The following HAUS6 variants were observed in gnomAD, a reference collection of about 807,000 sequenced individuals.
HAUS6 encodes the protein HAUS augmin-like complex subunit 6.
A neutral mutation model predicts 106.8 loss-of-function variants in HAUS6; 80 were observed. The observed-to-expected ratio is 0.75, with a 90% CI of 0.63 to 0.90. The LOEUF is 0.90. Ranked by LOEUF, HAUS6 falls within the 40% of genes least tolerant of loss-of-function variation. The pLI, the probability that HAUS6 is intolerant of heterozygous loss-of-function variation, is 0.00. For missense variants in HAUS6, 1,155 were observed against 1,118.1 expected (o/e 1.03, Z -0.47); for synonymous variants, 356 against 379.1 (o/e 0.94, Z 0.71).
rs145618983 is a variant in HAUS6, at chr9:19,084,459, GA to G, written c.700-1417del. Reference sequence around the variant, plus strand: ...GGTTACATGGACTTGTTCACTTTGTGAAAATTTGTCAAGCTATATACTTATG... The same window carrying G: ...GGTTACATGGACTTGTTCACTTTGTGAAATTTGTCAAGCTATATACTTATG... On this transcript the variant is annotated intron_variant, in intron 7 of 16. Coordinates refer to ENST00000380502, the MANE Select transcript of HAUS6 (RefSeq NM_017645.5). Among the ~76,000 whole-genome samples the G allele has an allele frequency of 4.0e-3, 602 of 152,170 alleles. 7 individuals are homozygous for G. The highest frequency in any genetic ancestry group is 0.014 in the African/African-American group (574 of 41,528).
chr9:19,084,191 AT>A (rs1329599858), intron 7 of HAUS6, among the ~76,000 whole-genome samples: 1 of 152,232 alleles, frequency 6.6e-6, no homozygotes, highest in Non-Finnish European at 1.5e-5. Context: ...AGCAATGAGA[AT>A]AAACATACTA....
In HAUS6 at chr9:19,087,373, G is replaced by A. The variant is rs563881841; in HGVS notation, c.585-217C>T. Among the ~76,000 whole-genome samples the A allele has an allele frequency of 2.8e-4, 43 of 152,156 alleles. No individual in the cohort carries two copies. The South Asian group carries it at 6.0e-3, about 21-fold the overall frequency. On this transcript the variant is annotated intron_variant, in intron 5 of 16. Transcript: ENST00000380502. Reference sequence around the variant, plus strand: ...ACTCATAGGTTAGTATATCCTCTCCGATTAAAATGATGGAGGTTAGTAAGA... The same window carrying A: ...ACTCATAGGTTAGTATATCCTCTCCAATTAAAATGATGGAGGTTAGTAAGA...
intron 1 of HAUS6, among the ~76,000 whole-genome samples, chr9:19,096,993 G>A (rs1159366253): frequency 1.3e-5 from 2 of 152,076 alleles, no homozygotes; most frequent in Non-Finnish European, 2.9e-5. Context: ...AAGACTGGCA[G>A]AACTGGCTTT....
At chr9:19,094,941 G>T (rs1817829950) in intron 2 of HAUS6, among the ~76,000 whole-genome samples, 1 of 151,882 alleles carries the variant, frequency 6.6e-6, no homozygotes, top group South Asian at 2.1e-4. Context: ...TTAAATGAGG[G>T]AATGAACAGC....
At chr9:19,092,309 A>G (rs928099828) in intron 4 of HAUS6, among the ~76,000 whole-genome samples, 3 of 151,548 alleles carry the variant, frequency 2.0e-5, no homozygotes, top group South Asian at 2.1e-4. Flanking sequence ...AAAAACAACA[A>G]CAAAAGGCCT....
At chr9:19,063,921 A>T in intron 12 of HAUS6, 1 of 364,134 alleles carries the variant, frequency 2.7e-6, no homozygotes, top group Admixed American at 3.9e-5. Context: ...CATTATTACA[A>T]TGTCACAGGT....
Position 19,056,399 on chromosome 9 carries a change from C to G in HAUS6, c.2812G>C (p.Asp938His), listed in dbSNP as rs749487544. ...LGELPNLKEEDILNKSLDAKE... is the reference protein window; with the variant it reads ...LGELPNLKEEHILNKSLDAKE... ...GCATCAAGGCTCTTATTCAAAATGTCTTCTTCTGCAAATTGATTTTAAAAA... is the reference window on the plus strand; with the variant it reads ...GCATCAAGGCTCTTATTCAAAATGTGTTCTTCTGCAAATTGATTTTAAAAA... The change falls in exon 17 of 17, where the codon GAC becomes CAC. Residue 938 changes from aspartate (D) to histidine (H), a missense_variant. Physicochemically the swap from Asp to His is moderately conservative, Grantham distance 81. Transcript: ENST00000380502. 9 of 1,545,182 alleles carry G rather than the reference C, an allele frequency of 5.8e-6. No individual in the cohort carries two copies. The South Asian group carries it at 1.0e-4, about 17-fold the overall frequency.
intron 12 of HAUS6, among the ~76,000 whole-genome samples, chr9:19,068,008 GTT>G (rs1836801090): frequency 6.6e-6 from 1 of 151,368 alleles, no homozygotes; most frequent in Non-Finnish European, 1.5e-5. Flanking sequence ...AAAAAAAAAA[GTT>G]ATCTTGAGGT....
At chr9:19,102,429 T>G (rs556323152) in intron 1 of HAUS6, 95 bp downstream of exon 1, 7 of 1,358,228 alleles carry the variant, frequency 5.2e-6, no homozygotes, top group Non-Finnish European at 7.2e-6. Context: ...GCTCAACCAA[T>G]TCTGATTAAT....
At chr9:19,063,972 T>TTA (rs1554688192) in intron 12 of HAUS6, among the ~76,000 whole-genome samples, 3 of 148,120 alleles carry the variant, frequency 2.0e-5, no homozygotes, top group African/African-American at 5.0e-5. Flanking sequence ...TTTATTTTAT[T>TTA]TTTTTTTTTT....
chr9:19,090,479 C>G (rs1309978500), intron 4 of HAUS6, among the ~76,000 whole-genome samples: 2 of 152,160 alleles, frequency 1.3e-5, no homozygotes, highest in Non-Finnish European at 2.9e-5. Flanking sequence ...ATTCTCCTGC[C>G]TCAGCCTCCC....
chr9:19,063,515 T>G lies in HAUS6; in HGVS notation c.1442A>C (p.Lys481Thr). 6.6e-7 allele frequency: 1 copy of G among 1,511,718 alleles called. No homozygotes were observed. The highest frequency in any genetic ancestry group is 9.2e-7 in the Non-Finnish European group (1 of 1,088,704). 93.6% of individuals were successfully genotyped at this position (1,511,718 alleles called of 1,614,324 possible). ...SDRNSVTVLE[K>T]DTKMGTPKEK... Reference sequence around the variant, plus strand: ...ATTGAGACTTATTTTAAAATATACCTTTTCAAGTACTGTAACACTGTTTCT... The same window carrying G: ...ATTGAGACTTATTTTAAAATATACCGTTTCAAGTACTGTAACACTGTTTCT... The change falls in exon 13 of 17, where the codon AAG (lysine) becomes ACG (threonine). Residue 481 changes from lysine to threonine, a missense_variant and splice_region_variant. By Grantham distance (78) the Lys-to-Thr change is moderately conservative. Around this residue, in one of 3 missense-constraint regions of HAUS6, gnomAD observed 761 missense variants for 690.0 expected, o/e 1.10. Coordinates refer to ENST00000380502, the MANE Select transcript of HAUS6 (RefSeq NM_017645.5).
chr9:19,084,051 C>A (rs865920859), intron 7 of HAUS6, among the ~76,000 whole-genome samples: 2,871 of 98,388 alleles, frequency 0.029, no homozygotes, highest in East Asian at 0.038. Flanking sequence ...AGGATCCTTG[C>A]AAAAAAAAAA....
intron 11 of HAUS6, among the ~76,000 whole-genome samples, chr9:19,075,548 T>C (rs911428810): frequency 2.0e-5 from 3 of 151,126 alleles, no homozygotes; most frequent in East Asian, 2.0e-4. Flanking sequence ...TGAGAAAACA[T>C]TGTGCAAAGT....
At chr9:19,057,591 C>T (rs1385753317) in intron 16 of HAUS6, 1 of 226,476 alleles carries the variant, frequency 4.4e-6, no homozygotes, top group African/African-American at 2.3e-5. Flanking sequence ...CTACACCCCA[C>T]CCCCAGATAT....
In HAUS6 at chr9:19,054,237, G is replaced by T. The variant is rs1013860742; in HGVS notation, c.*2106C>A. The stretch of plus-strand genomic sequence containing the variant: ...AAATGGGAGATTACAGCGGAAGGGG[G>T]AGTAGAGGAAATCCGTTACAGGGGA... On this transcript the variant is annotated 3_prime_UTR_variant, in exon 17 of 17. Coordinates refer to ENST00000380502, the MANE Select transcript of HAUS6 (RefSeq NM_017645.5). 25 of 152,192 alleles carry T rather than the reference G, an allele frequency of 1.6e-4. No individual in the cohort carries two copies. The highest frequency in any genetic ancestry group is 6.0e-4 in the African/African-American group (25 of 41,454). 9.4% of individuals were successfully genotyped at this position (152,192 alleles called of 1,614,324 possible). A position where few individuals can be genotyped will look rare whatever the true frequency, so the allele number is the denominator to read the frequency against.
At chr9:19,087,647 G>A (rs1386731828) in intron 5 of HAUS6, among the ~76,000 whole-genome samples, 1 of 152,042 alleles carries the variant, frequency 6.6e-6, no homozygotes, top group African/African-American at 2.4e-5. Context: ...TTCAGGCCAG[G>A]AGTTTGAGAC....
chr9:19,081,102 G>GAA (rs998926608), intron 8 of HAUS6, among the ~76,000 whole-genome samples: 1 of 147,182 alleles, frequency 6.8e-6, no homozygotes, highest in Non-Finnish European at 1.5e-5. Context: ...AAAGCGGGGG[G>GAA]AAAAAAATCA....
At chr9:19,060,332 T>C (rs1283736565) in intron 14 of HAUS6, 109 bp from the exon 15 acceptor site, 9 of 784,586 alleles carry the variant, frequency 1.1e-5, no homozygotes, top group African/African-American at 1.7e-5. Flanking sequence ...GCCCCTCCCA[T>C]TGCAGACAAC....
Sources: gnomAD v4.1 joint callset for allele counts (sites outside exome capture counted in the v4.1 genomes callset) on GRCh38, gnomAD v4.1.1 for gene constraint, gnomAD v4.1.1 regional missense constraint, MANE v1.5 for transcripts, NCBI Gene and HGNC (gene_info 2026-07-23, HGNC 2026-07-21) for gene names.